Variants in GALNT13 observed in about 807,000 individuals in gnomAD.
The protein encoded by GALNT13 is polypeptide N-acetylgalactosaminyltransferase 13.
Under a neutral mutation model 64.2 loss-of-function variants are expected in GALNT13, and 28 were observed. The ratio of observed to expected loss-of-function variants is 0.44; its 90% CI spans 0.32 to 0.60. GALNT13 has a LOEUF of 0.60. Ranked by LOEUF, GALNT13 falls within the 20% of genes least tolerant of loss-of-function variation. The pLI, the probability that GALNT13 is intolerant of heterozygous loss-of-function variation, is 0.05. For synonymous variants in GALNT13, 214 were observed against 224.6 expected, an observed-to-expected ratio of 0.95 and a Z score of 0.42; for missense variants, 577 against 669.8, an observed-to-expected ratio of 0.86 and a Z score of 1.53.
chr2:153,504,069 G>T, the GALNT13 span, among the ~76,000 whole-genome samples: 1 of 152,164 alleles, frequency 6.6e-6, no homozygotes, highest in African/African-American at 2.4e-5. Flanking sequence ...TCTTTCAGCA[G>T]TGTTTTGTAG....
At chr2:153,216,755 T>A in the GALNT13 span, among the ~76,000 whole-genome samples, 4 of 152,054 alleles carry the variant, frequency 2.6e-5, no homozygotes, top group African/African-American at 9.6e-5. Flanking sequence ...GGCTTATTTT[T>A]AAAAAATTCT....
chr2:153,254,324 T>C, the GALNT13 span, among the ~76,000 whole-genome samples: 1 of 131,400 alleles, frequency 7.6e-6, no homozygotes, highest in Non-Finnish European at 1.7e-5. Context: ...ATCCCCTTTA[T>C]CATTTTTTAT....
At chr2:153,257,456 T>G in the GALNT13 span, among the ~76,000 whole-genome samples, 1 of 152,084 alleles carries the variant, frequency 6.6e-6, no homozygotes, top group African/African-American at 2.4e-5. Context: ...GCTGTTCCTA[T>G]TCAGCCATCT....
At chr2:153,321,709 C>A in the GALNT13 span, among the ~76,000 whole-genome samples, 1 of 152,156 alleles carries the variant, frequency 6.6e-6, no homozygotes, top group African/African-American at 2.4e-5. Context: ...ACACAACAAA[C>A]TGTAACTCCC....
intron 4 of GALNT13, among the ~76,000 whole-genome samples, chr2:154,225,137 TAGATAGATGAC>T (rs1688530894): frequency 7.7e-6 from 1 of 130,342 alleles, no homozygotes; most frequent in Admixed American, 7.8e-5. Flanking sequence ...GATAGATAGA[TAGATAGATGAC>T]AGATAGATAG....
chr2:153,984,358 A>G (rs1694658940), intron 3 of GALNT13, among the ~76,000 whole-genome samples: 1 of 151,814 alleles, frequency 6.6e-6, no homozygotes, highest in African/African-American at 2.4e-5. Context: ...TAGGGGCTAT[A>G]TAGTAAAGGA....
chr2:153,987,610 G>T (rs1171310229), intron 3 of GALNT13, among the ~76,000 whole-genome samples: 1 of 151,670 alleles, frequency 6.6e-6, no homozygotes, highest in African/African-American at 2.4e-5. Context: ...AAGAAGCTAG[G>T]GATTATATTA....
At chr2:153,505,889 G>A in the GALNT13 span, among the ~76,000 whole-genome samples, 9 of 152,134 alleles carry the variant, frequency 5.9e-5, no homozygotes, top group Admixed American at 5.9e-4. Context: ...CTAGGATATA[G>A]TTTAAGTCCA....
At chr2:153,227,119 A>T in the GALNT13 span, among the ~76,000 whole-genome samples, 1 of 152,220 alleles carries the variant, frequency 6.6e-6, no homozygotes, top group Non-Finnish European at 1.5e-5. Flanking sequence ...GGGCTAATTC[A>T]AGTGGGGATG....
the GALNT13 span, among the ~76,000 whole-genome samples, chr2:153,103,701 TATAC>T: frequency 6.6e-6 from 1 of 152,232 alleles, no homozygotes; most frequent in African/African-American, 2.4e-5. Flanking sequence ...TTTGCTTTTC[TATAC>T]ATTGTCTGTC....
intron 11 of GALNT13, among the ~76,000 whole-genome samples, chr2:154,409,954 C>G (rs1026436159): frequency 6.6e-6 from 1 of 151,730 alleles, no homozygotes; most frequent in Non-Finnish European, 1.5e-5. Context: ...TGAGTTTTGG[C>G]GCACCATACT....
At chr2:153,366,761 AC>A in the GALNT13 span, among the ~76,000 whole-genome samples, 3 of 135,212 alleles carry the variant, frequency 2.2e-5, no homozygotes, top group Non-Finnish European at 4.9e-5. Flanking sequence ...ACACACACAC[AC>A]ACACACACAC....
chr2:153,400,450 A>G, the GALNT13 span, among the ~76,000 whole-genome samples: 5 of 152,206 alleles, frequency 3.3e-5, no homozygotes, highest in Non-Finnish European at 7.3e-5. Flanking sequence ...AAAATGAGTT[A>G]GGGAGGATTC....
intron 3 of GALNT13, among the ~76,000 whole-genome samples, chr2:154,068,308 T>C (rs1317203593): frequency 6.6e-6 from 1 of 151,940 alleles, no homozygotes; most frequent in Non-Finnish European, 1.5e-5. Flanking sequence ...CTTTGAAGAT[T>C]CTTCAAAATA....
intron 12 of GALNT13, among the ~76,000 whole-genome samples, chr2:154,449,079 A>T (rs1048128965): frequency 2.0e-4 from 30 of 152,024 alleles, no homozygotes; most frequent in African/African-American, 7.2e-4. Context: ...CATAATAAGC[A>T]TAAATCAGCC....
the GALNT13 span, among the ~76,000 whole-genome samples, chr2:153,683,444 C>T: frequency 7.2e-6 from 1 of 138,512 alleles, no homozygotes; most frequent in Non-Finnish European, 1.6e-5. Flanking sequence ...ATGGAAAAAC[C>T]TCACTTTAAA....
chr2:153,456,393 T>G, the GALNT13 span, among the ~76,000 whole-genome samples: 3 of 152,154 alleles, frequency 2.0e-5, no homozygotes. Context: ...ATTTGATCTA[T>G]CCTCCAAAGA....
At position 154,170,306 on chromosome 2, in the gene GALNT13, C is replaced by A. The variant is rs139262630; in HGVS notation, c.311+29801C>A. Among the ~76,000 whole-genome samples, 13 of 152,176 alleles carry A rather than the reference C, an allele frequency of 8.5e-5. No homozygotes were observed. In the East Asian group the frequency reaches 2.3e-3, roughly 27 times the overall value. On this transcript the variant is annotated intron_variant, in intron 4 of 12. Coordinates refer to ENST00000392825, the MANE Select transcript of GALNT13 (RefSeq NM_052917.4). Reference sequence around the variant, plus strand: ...TTCCAGAAACACCCTCACAGATATGCCCAGAAATAATGCTTTTCCAGCTAT... The same window carrying A: ...TTCCAGAAACACCCTCACAGATATGACCAGAAATAATGCTTTTCCAGCTAT...
chr2:153,151,595 G>A, the GALNT13 span, among the ~76,000 whole-genome samples: 1 of 152,098 alleles, frequency 6.6e-6, no homozygotes, highest in East Asian at 1.9e-4. Context: ...GTCCAACAAT[G>A]ATAGACTGGA....
Sources: allele counts gnomAD v4.1 joint callset (sites outside exome capture counted in the v4.1 genomes callset), GRCh38; gene constraint gnomAD v4.1.1; transcripts MANE v1.5; gene names NCBI Gene and HGNC (gene_info 2026-07-23, HGNC 2026-07-21).